TTLL1: variants seen among roughly 807,000 people sequenced by gnomAD.
TTLL1 encodes polyglutamylase complex subunit TTLL1.
A neutral mutation model predicts 47.8 loss-of-function variants in TTLL1; 33 were observed. The ratio of observed to expected loss-of-function variants is 0.69; its 90% confidence interval spans 0.52 to 0.92. The LOEUF is 0.92. Among genes scored for constraint, TTLL1 ranks in the 40% least tolerant of loss-of-function variants. The pLI, the probability that TTLL1 is intolerant of heterozygous loss-of-function variation, is 0.00. For missense variants in TTLL1, 488 were observed against 547.5 expected (o/e 0.89, Z 1.08); for synonymous variants, 225 against 214.1 (o/e 1.05, Z -0.45).
intron 8 of TTLL1, among the ~76,000 whole-genome samples, chr22:43,053,048 G>A (rs918257653): frequency 3.9e-5 from 6 of 151,990 alleles, no homozygotes; most frequent in Non-Finnish European, 8.8e-5. Context: ...CAACAAGAGC[G>A]AAACTCTGTC....
intron 10 of TTLL1, among the ~76,000 whole-genome samples, chr22:43,042,799 G>A (rs538730904): frequency 2.0e-5 from 3 of 152,242 alleles, no homozygotes; most frequent in East Asian, 1.9e-4. Flanking sequence ...GACTAGAAGC[G>A]TTTAGAGGCC....
Position 43,039,532 on chromosome 22 carries a change from G to A in TTLL1, c.*244C>T, listed in dbSNP as rs1255950825. On this transcript the variant is annotated 3_prime_UTR_variant, in exon 11 of 11. Coordinates refer to ENST00000266254, the MANE Select transcript of TTLL1 (RefSeq NM_012263.5). The stretch of plus-strand genomic sequence containing the variant: ...AGCTGTTACTTTCTGTCAAAAAAGT[G>A]AGTTTTTAATATGAAAATTCTGCTT... 1 of 275,828 alleles carries A rather than the reference G, an allele frequency of 3.6e-6. No homozygotes were observed. Among genetic ancestry groups the A allele is most frequent in the Non-Finnish European group, 6.4e-6 (1 of 155,890 alleles). The allele number at this position is 275,828 out of a possible 1,614,324, so 17.1% of individuals were successfully genotyped here. A position where few individuals can be genotyped will look rare whatever the true frequency, so the allele number is the denominator to read the frequency against.
In TTLL1 at chr22:43,089,380, A is replaced by T. The variant is rs1040902106; in HGVS notation, c.-193T>A. The T allele has an allele frequency of 2.4e-4, 36 of 152,276 alleles. No individual in the cohort carries two copies. The highest frequency in any genetic ancestry group is 8.2e-4 in the African/African-American group (34 of 41,394). The allele number at this position is 152,276 out of a possible 1,614,324, so 9.4% of individuals were successfully genotyped here. A position where few individuals can be genotyped will look rare whatever the true frequency, so the allele number is the denominator to read the frequency against. ...GCCCCTCTCCGGCGCTCGCAGGAGT[A>T]CGCAGCCGACTGCCAGGCGCACCGG... On this transcript the variant is annotated 5_prime_UTR_variant, in exon 1 of 11. Coordinates refer to ENST00000266254, the MANE Select transcript of TTLL1 (RefSeq NM_012263.5).
chr22:43,068,404 A>T lies in TTLL1; in HGVS notation c.503+6T>A. ...GCACACAAAGTGGGTGGCTGCCCAC[A>T]CTTACGAAGATGTCTTGCTGTCCCG... On this transcript the variant is annotated splice_donor_region_variant and intron_variant, in intron 5 of 10. Coordinates refer to ENST00000266254, the MANE Select transcript of TTLL1 (RefSeq NM_012263.5). The T allele has an allele frequency of 4.0e-6, 6 of 1,493,610 alleles. No homozygotes were observed. Among genetic ancestry groups the T allele is most frequent in the Non-Finnish European group, 4.5e-6 (5 of 1,102,550 alleles). The allele number at this position is 1,493,610 out of a possible 1,614,324, so 92.5% of individuals were successfully genotyped here.
intron 9 of TTLL1, among the ~76,000 whole-genome samples, chr22:43,050,625 C>T (rs985797884): frequency 1.9e-4 from 29 of 151,586 alleles, no homozygotes; most frequent in African/African-American, 5.6e-4. Flanking sequence ...CCAGTTCAAG[C>T]GATTCTTCTG....
chr22:43,080,345 G>C (rs1453737588), intron 1 of TTLL1, among the ~76,000 whole-genome samples: 1 of 152,088 alleles, frequency 6.6e-6, no homozygotes, highest in Non-Finnish European at 1.5e-5. Context: ...GTGAGCCACC[G>C]CGCCTGGCCT....
In TTLL1 at chr22:43,039,853, G is replaced by C. The variant is rs769749373; in HGVS notation, c.1195C>G (p.Arg399Gly). The C allele has an allele frequency of 6.2e-6, 10 of 1,613,960 alleles. No homozygotes were observed. The highest frequency in any genetic ancestry group is 8.5e-6 in the Non-Finnish European group (10 of 1,179,998). Reference protein sequence around the residue: ...GDGADRELRSRQGQSLGPRAG... With the variant: ...GDGADRELRSGQGQSLGPRAG... ...CTGGGCCCCAGAGACTGACCCTGAC[G>C]GCTTCTCAGCTCCCGGTCAGCCCCG... The change falls in exon 11 of 11, where the codon CGT becomes GGT. Residue 399 changes from arginine (R) to glycine (G), a missense_variant. Physicochemically the swap from Arg to Gly is moderately radical, Grantham distance 125. Coordinates refer to ENST00000266254, the MANE Select transcript of TTLL1 (RefSeq NM_012263.5).
chr22:43,042,992 T>G (rs376524165), intron 10 of TTLL1, among the ~76,000 whole-genome samples: 2 of 145,108 alleles, frequency 1.4e-5, no homozygotes, highest in East Asian at 4.0e-4. Flanking sequence ...CAGGCTGGAG[T>G]GCGGTGGCAC....
intron 9 of TTLL1, among the ~76,000 whole-genome samples, chr22:43,050,994 A>AT (rs1276916975): frequency 2.0e-5 from 3 of 152,208 alleles, no homozygotes; most frequent in African/African-American, 7.2e-5. Flanking sequence ...GACTCTACCC[A>AT]TAGGGAACCA....
At chr22:43,058,325 C>T (rs1475035482) in intron 8 of TTLL1, among the ~76,000 whole-genome samples, 1 of 152,100 alleles carries the variant, frequency 6.6e-6, no homozygotes, top group South Asian at 2.1e-4. Context: ...TGTGCACCTG[C>T]TTTAACACGG....
At chr22:43,062,948 G>C (rs1273103870) in intron 7 of TTLL1, among the ~76,000 whole-genome samples, 1 of 152,186 alleles carries the variant, frequency 6.6e-6, no homozygotes, top group African/African-American at 2.4e-5. Context: ...CTAAGGCAAA[G>C]CCTATTTTAT....
chr22:43,051,468 T>G (rs553974842), intron 9 of TTLL1, among the ~76,000 whole-genome samples: 8 of 152,294 alleles, frequency 5.3e-5, no homozygotes, highest in African/African-American at 1.9e-4. Flanking sequence ...ATGGGAACAC[T>G]GTCACCCATG....
chr22:43,054,174 T>C (rs1294292640), intron 8 of TTLL1, among the ~76,000 whole-genome samples: 1 of 152,118 alleles, frequency 6.6e-6, no homozygotes, highest in Non-Finnish European at 1.5e-5. Flanking sequence ...AACTCCACAC[T>C]CGTTACCTGC....
At chr22:43,077,068 T>C (rs1355932772) in intron 2 of TTLL1, among the ~76,000 whole-genome samples, 1 of 151,714 alleles carries the variant, frequency 6.6e-6, no homozygotes, top group African/African-American at 2.4e-5. Flanking sequence ...ACCACTGCAC[T>C]CCAGCCTGGG....
At chr22:43,075,919 G>C (rs1928454580) in intron 2 of TTLL1, among the ~76,000 whole-genome samples, 1 of 152,216 alleles carries the variant, frequency 6.6e-6, no homozygotes, top group African/African-American at 2.4e-5. Context: ...GTGGGAGATA[G>C]AGGCAGCCAT....
intron 10 of TTLL1, 75 bp downstream of exon 10, chr22:43,046,335 G>T: frequency 6.4e-7 from 1 of 1,561,850 alleles, no homozygotes; most frequent in South Asian, 1.2e-5. Flanking sequence ...CATATGCCCA[G>T]AAATCCAAGC....
chr22:43,042,330 G>A (rs1435333449), intron 10 of TTLL1, among the ~76,000 whole-genome samples: 3 of 152,324 alleles, frequency 2.0e-5, no homozygotes, highest in East Asian at 1.9e-4. Context: ...ACCGGGATGC[G>A]CTGTTCCCAG....
rs777860075 is a variant in TTLL1, at chr22:43,046,402, A to C, written c.1142+8T>G. 6.2e-7 allele frequency: 1 copy of C among 1,613,804 alleles called. No homozygotes were observed. On this transcript the variant is annotated splice_region_variant and intron_variant, in intron 10 of 10. Transcript: ENST00000266254. ...GAAGGACAAGCGCACAGTCACACAC[A>C]CACTTACAGAATCTCGTAATTGCCG...
intron 10 of TTLL1, chr22:43,040,111 GCT>G: frequency 1.7e-6 from 1 of 572,758 alleles, no homozygotes; most frequent in South Asian, 2.0e-5. Flanking sequence ...CCCAGCAAAT[GCT>G]CCCCAAGGCC....
Sources: allele counts gnomAD v4.1 joint callset (sites outside exome capture counted in the v4.1 genomes callset), GRCh38; gene constraint gnomAD v4.1.1; transcripts MANE v1.5; gene names NCBI Gene and HGNC (gene_info 2026-07-23, HGNC 2026-07-21).